The following ZNF557 variants were observed in gnomAD, a reference collection of about 807,000 sequenced individuals.
The protein encoded by ZNF557 is zinc finger protein 557.
ZNF557 carries 19 observed loss-of-function variants against 21.2 expected under a neutral mutation model. The ratio of observed to expected loss-of-function variants is 0.90; its 90% CI spans 0.63 to 1.32. The LOEUF (loss-of-function observed/expected upper bound fraction) is 1.32. Ranked by LOEUF, ZNF557 falls within the 40% of genes most tolerant of loss-of-function variation. The pLI is 0.00. For missense variants in ZNF557, 487 were observed against 519.8 expected (o/e 0.94, Z 0.61); for synonymous variants, 207 against 194.8 (o/e 1.06, Z -0.52).
chr19:7,075,252 T>TCTTGGGA (rs1430046199), intron 3 of ZNF557, 147 bp downstream of exon 3: 2 of 1,124,918 alleles, frequency 1.8e-6, no homozygotes, highest in South Asian at 2.6e-5. Flanking sequence ...ATCGGGCGGC[T>TCTTGGGA]CTTGGGACTT....
At chr19:7,080,376 TTTTTGGTTAGTC>T (rs1257189532) in intron 5 of ZNF557, among the ~76,000 whole-genome samples, 1 of 152,048 alleles carries the variant, frequency 6.6e-6, no homozygotes, top group East Asian at 1.9e-4. Flanking sequence ...CCTCCCAGGT[TTTTTGGTTAGTC>T]TTTTGTTTGC....
In ZNF557 at chr19:7,083,770, C is replaced by T. The variant is rs764416028; in HGVS notation, c.*26C>T. ...ATTCAATAACTGTGGGAAAAGCATTCATTGATCTTTCATGCCTCAGATAAC... is the reference window on the plus strand; with the variant it reads ...ATTCAATAACTGTGGGAAAAGCATTTATTGATCTTTCATGCCTCAGATAAC... On this transcript the variant is annotated 3_prime_UTR_variant, in exon 8 of 8. Coordinates refer to ENST00000252840, the MANE Select transcript of ZNF557 (RefSeq NM_024341.3). The T allele has an allele frequency of 3.8e-6, 6 of 1,567,898 alleles. No homozygotes were observed. In the East Asian group the frequency reaches 1.1e-4, roughly 29 times the overall value.
Position 7,073,055 on chromosome 19 carries a change from C to A in ZNF557, c.-79-1941C>A, listed in dbSNP as rs73923706. On this transcript the variant is annotated intron_variant, in intron 2 of 7. Transcript: ENST00000252840. ...ACCTGTGCAGAGTTCTCTTCTCTAC[C>A]GTTTGTGCAACACAGCTGCTGGAAG... Among the ~76,000 whole-genome samples the A allele has an allele frequency of 2.4e-3, 364 of 152,032 alleles. 1 individual carries two copies. The highest frequency in any genetic ancestry group is 8.3e-3 in the African/African-American group (345 of 41,454).
At chr19:7,071,128 A>G (rs1047748185) in intron 2 of ZNF557, among the ~76,000 whole-genome samples, 3 of 152,170 alleles carry the variant, frequency 2.0e-5, no homozygotes, top group African/African-American at 7.2e-5. Context: ...GTGTGTGATA[A>G]TGTGTGTCAA....
chr19:7,075,105 G>A lies in ZNF557; in HGVS notation c.31G>A (p.Ala11Thr), dbSNP rs376290684. The change falls in exon 3 of 8, where the codon GCT becomes ACT. Residue 11 changes from alanine (A) to threonine (T), a missense_variant and splice_region_variant. Coordinates refer to ENST00000252840, the MANE Select transcript of ZNF557 (RefSeq NM_024341.3). MAAVVLPPTA[A>T]LSSLFPASQR... is the part of the protein sequence containing the mutation. ...GGCTGTCGTCCTGCCCCCAACTGCC[G>A]GTGAGTCATGGGGTCCTGGCAGTTC... 15 of 1,613,938 alleles carry A rather than the reference G, an allele frequency of 9.3e-6. No homozygotes were observed. Among genetic ancestry groups the A allele is most frequent in the African/African-American group, 1.3e-5 (1 of 74,902 alleles).
At chr19:7,071,641 C>G (rs962630540) in intron 2 of ZNF557, among the ~76,000 whole-genome samples, 3 of 151,892 alleles carry the variant, frequency 2.0e-5, no homozygotes, top group Admixed American at 2.0e-4. Flanking sequence ...GTCAGGAGTT[C>G]AAGACCAGCC....
At chr19:7,076,922 A>G (rs1234152767) in intron 5 of ZNF557, among the ~76,000 whole-genome samples, 1 of 151,168 alleles carries the variant, frequency 6.6e-6, no homozygotes, top group Non-Finnish European at 1.5e-5. Context: ...TAATTTGTTT[A>G]TTTTTTGTAG....
chr19:7,084,055 T>G lies in ZNF557; in HGVS notation c.*311T>G. ...GCTTACAAGCCCGACAAGTGCATGC[T>G]AGCTGTTTCCAAGGGAGCTGCGCTT... is the stretch of plus-strand genomic sequence containing the variant. On this transcript the variant is annotated 3_prime_UTR_variant, in exon 8 of 8. Transcript: ENST00000252840. 3 of 281,108 alleles carry G rather than the reference T, an allele frequency of 1.1e-5. No homozygotes were observed. The highest frequency in any genetic ancestry group is 8.2e-5 in the East Asian group (1 of 12,146). 17.4% of individuals were successfully genotyped at this position (281,108 alleles called of 1,614,324 possible). A position where few individuals can be genotyped will look rare whatever the true frequency, so the allele number is the denominator to read the frequency against.
intron 5 of ZNF557, among the ~76,000 whole-genome samples, chr19:7,076,730 G>A (rs1977593572): frequency 6.6e-6 from 1 of 151,986 alleles, no homozygotes; most frequent in Non-Finnish European, 1.5e-5. Flanking sequence ...TCATGAAATG[G>A]TCTCTCCCCA....
chr19:7,074,331 TACACACACACAC>T (rs71177149), intron 2 of ZNF557, among the ~76,000 whole-genome samples: 5 of 150,034 alleles, frequency 3.3e-5, no homozygotes, highest in African/African-American at 1.2e-4. Context: ...TGTGTGTATA[TACACACACACAC>T]ACACACACAC....
rs772207952 is a variant in ZNF557, at chr19:7,083,354, C to T, written c.903C>T (p.Phe301=). The change falls in exon 8 of 8, where the codon TTC becomes TTT. Residue 301 remains phenylalanine, a synonymous_variant. Transcript: ENST00000252840. The stretch of plus-strand genomic sequence containing the variant: ...TATGTAATCAGTGTGGAAAGGCTTT[C>T]GGCACGAGGTCATCTCTTTCTTCGC... ...HYVCNQCGKA[F]GTRSSLSSHY... The T allele has an allele frequency of 1.6e-5, 26 of 1,614,048 alleles. No homozygotes were observed. The highest frequency in any genetic ancestry group is 5.0e-5 in the Admixed American group (3 of 59,984).
Position 7,083,327 on chromosome 19 carries a change from T to C in ZNF557, c.876T>C (p.Tyr292=), listed in dbSNP as rs757702705. ...GAGTTCATACGGGGGAGGGTCATTA[T>C]GTATGTAATCAGTGTGGAAAGGCTT... The part of the protein sequence containing the change: ...HKRVHTGEGH[Y]VCNQCGKAFG... The change falls in exon 8 of 8, where the codon TAT becomes TAC. Residue 292 remains tyrosine, a synonymous_variant. Transcript: ENST00000252840. The C allele has an allele frequency of 2.5e-6, 4 of 1,614,232 alleles. No individual in the cohort carries two copies. The highest frequency in any genetic ancestry group is 2.2e-5 in the South Asian group (2 of 91,088).
At chr19:7,073,874 G>A (rs988850564) in intron 2 of ZNF557, among the ~76,000 whole-genome samples, 4 of 152,106 alleles carry the variant, frequency 2.6e-5, no homozygotes, top group Non-Finnish European at 4.4e-5. Flanking sequence ...TGCCTTCCAT[G>A]AATAGCCAGC....
At position 7,070,651 on chromosome 19, in the gene ZNF557, CAGGT is replaced by C. The variant is rs1371523765; in HGVS notation, c.-80+4_-80+7del. 5 of 152,140 alleles carry C rather than the reference CAGGT, an allele frequency of 3.3e-5. No individual in the cohort carries two copies. Among genetic ancestry groups the C allele is most frequent in the African/African-American group, 1.2e-4 (5 of 41,422 alleles). 9.4% of individuals were successfully genotyped at this position (152,140 alleles called of 1,614,324 possible). ...ACTGATCCGTGGACTTCTGTATGAT[CAGGT>C]AGGTACCGTGTAGAACCTGCAAGTT... On this transcript the variant is annotated splice_donor_variant and 5_prime_UTR_variant, in exon 2 of 8. Coordinates refer to ENST00000252840, the MANE Select transcript of ZNF557 (RefSeq NM_024341.3). LOFTEE classifies it low-confidence loss of function (5UTR_SPLICE).
At chr19:7,080,327 A>C in intron 5 of ZNF557, among the ~76,000 whole-genome samples, 1 of 152,156 alleles carries the variant, frequency 6.6e-6, no homozygotes, top group African/African-American at 2.4e-5. Flanking sequence ...AGGTGTGGAA[A>C]GATGCTCTAC....
rs1977835220 is a variant in ZNF557, at chr19:7,086,114, C to T, written c.*2370C>T. On this transcript the variant is annotated 3_prime_UTR_variant, in exon 8 of 8. Transcript: ENST00000252840. ...GGTGTGGTGGCAGGCATCTATAATCCCAGCTACTCAAGAGGCTGAGGAAGG... is the reference window on the plus strand; with the variant it reads ...GGTGTGGTGGCAGGCATCTATAATCTCAGCTACTCAAGAGGCTGAGGAAGG... 6.6e-6 allele frequency: 1 copy of T among 150,762 alleles called. No individual in the cohort carries two copies. Among genetic ancestry groups the T allele is most frequent in the African/African-American group, 2.4e-5 (1 of 40,972 alleles). 9.3% of individuals were successfully genotyped at this position (150,762 alleles called of 1,614,324 possible). A position where few individuals can be genotyped will look rare whatever the true frequency, so the allele number is the denominator to read the frequency against.
At position 7,080,027 on chromosome 19, in the gene ZNF557, C is replaced by T. The variant is rs936259129; in HGVS notation, c.248-1333C>T. ...CTTCTAGAAATGTGTGGAGGCCGGG[C>T]GCAGTGGCTCATGCCTGTAATCCCA... On this transcript the variant is annotated intron_variant, in intron 5 of 7. Transcript: ENST00000252840. Among the ~76,000 whole-genome samples the T allele has an allele frequency of 1.2e-4, 18 of 152,196 alleles. No homozygotes were observed. The South Asian group carries it at 1.5e-3, about 12-fold the overall frequency.
In ZNF557 at chr19:7,074,329, T is replaced by TAC. The variant is rs143012504; in HGVS notation, c.-79-666_-79-665insCA. On this transcript the variant is annotated intron_variant, in intron 2 of 7. Coordinates refer to ENST00000252840, the MANE Select transcript of ZNF557 (RefSeq NM_024341.3). ...CCAGCCGCTTTCATCTTTGTGTGTA[T>TAC]ATACACACACACACACACACACACA... Among the ~76,000 whole-genome samples the TAC allele has an allele frequency of 6.5e-3, 959 of 146,680 alleles. 7 individuals are homozygous for TAC. Among genetic ancestry groups the TAC allele is most frequent in the African/African-American group, 0.012 (476 of 39,668 alleles).
chr19:7,082,988 C>G lies in ZNF557; in HGVS notation c.537C>G (p.Pro179=), dbSNP rs1977745650. ...GGAAGATTCATACTGGAGAAAGACCCTATGGCTGCAGTGAATGTGGGAAAT... is the reference window on the plus strand; with the variant it reads ...GGAAGATTCATACTGGAGAAAGACCGTATGGCTGCAGTGAATGTGGGAAAT... ...RHRKIHTGER[P]YGCSECGKSY... is the part of the protein sequence containing the mutation. The change falls in exon 8 of 8, where the codon CCC becomes CCG. Residue 179 remains proline (P), a synonymous_variant. Coordinates refer to ENST00000252840, the MANE Select transcript of ZNF557 (RefSeq NM_024341.3). The G allele has an allele frequency of 6.2e-7, 1 of 1,614,054 alleles. No homozygotes were observed. Among genetic ancestry groups the G allele is most frequent in the South Asian group, 1.1e-5 (1 of 91,096 alleles).
Sources: allele counts gnomAD v4.1 joint callset (sites outside exome capture counted in the v4.1 genomes callset), GRCh38; gene constraint gnomAD v4.1.1; transcripts MANE v1.5; gene names NCBI Gene and HGNC (gene_info 2026-07-23, HGNC 2026-07-21).